The following RAB3GAP2 variants were observed in gnomAD, a reference collection of about 807,000 sequenced individuals.
The protein encoded by RAB3GAP2 is RAB3 GTPase activating non-catalytic protein subunit 2.
In RAB3GAP2, 87 loss-of-function variants were observed where a neutral mutation model predicts 185.3. The observed-to-expected ratio is 0.47, with a 90% CI of 0.39 to 0.56. RAB3GAP2 has a LOEUF of 0.56. Among genes scored for constraint, RAB3GAP2 ranks in the 20% least tolerant of loss-of-function variants. RAB3GAP2 has a pLI of 0.00. For missense variants in RAB3GAP2, 1,492 were observed against 1,638.2 expected (o/e 0.91, Z 1.54); for synonymous variants, 554 against 576.1 (o/e 0.96, Z 0.55).
intron 9 of RAB3GAP2, 141 bp from the exon 10 acceptor site, chr1:220,196,539 A>C: frequency 1.1e-6 from 1 of 897,260 alleles, no homozygotes; most frequent in East Asian, 2.6e-5. Context: ...AGTCAACATC[A>C]GAAAATATTC....
intron 1 of RAB3GAP2, among the ~76,000 whole-genome samples, chr1:220,257,910 C>T (rs901133827): frequency 2.0e-5 from 3 of 151,896 alleles, no homozygotes; most frequent in Non-Finnish European, 4.4e-5. Flanking sequence ...ACCACTGACC[C>T]CACAGAAATA....
At chr1:220,233,511 A>G (rs201398736) in intron 1 of RAB3GAP2, among the ~76,000 whole-genome samples, 2 of 152,176 alleles carry the variant, frequency 1.3e-5, no homozygotes, top group Non-Finnish European at 2.9e-5. Flanking sequence ...TGGTTTTTAC[A>G]TAGTCATCTT....
intron 1 of RAB3GAP2, among the ~76,000 whole-genome samples, chr1:220,246,196 C>G (rs1485223691): frequency 6.6e-6 from 1 of 152,202 alleles, no homozygotes; most frequent in African/African-American, 2.4e-5. Context: ...CACTGGCCGT[C>G]AGAGAAATGC....
In RAB3GAP2 at chr1:220,190,371, C is replaced by T. The variant is rs780059285; in HGVS notation, c.1631+6G>A. 20 of 1,613,958 alleles carry T rather than the reference C, an allele frequency of 1.2e-5. No homozygotes were observed. The highest frequency in any genetic ancestry group is 1.7e-5 in the Admixed American group (1 of 59,986). ...GCGTCAATCAGCAACACTGGACACA[C>T]CTTACCTCAGTGCTAAATGGAAGGG... is the stretch of plus-strand genomic sequence containing the variant. On this transcript the variant is annotated splice_donor_region_variant and intron_variant, in intron 15 of 34. Transcript: ENST00000358951.
At chr1:220,255,432 G>A (rs1300786027) in intron 1 of RAB3GAP2, among the ~76,000 whole-genome samples, 2 of 152,156 alleles carry the variant, frequency 1.3e-5, no homozygotes, top group Non-Finnish European at 2.9e-5. Context: ...AGGTGGAGAT[G>A]GCTGAATTGA....
intron 2 of RAB3GAP2, among the ~76,000 whole-genome samples, chr1:220,218,927 C>T (rs1486098341): frequency 3.9e-5 from 6 of 152,078 alleles, no homozygotes; most frequent in Non-Finnish European, 8.8e-5. Context: ...CAGTATTCAA[C>T]ATATCAGATT....
At chr1:220,160,905 T>C (rs367824016) in intron 28 of RAB3GAP2, among the ~76,000 whole-genome samples, 4 of 152,202 alleles carry the variant, frequency 2.6e-5, no homozygotes, top group Non-Finnish European at 2.9e-5. Context: ...GAACCTAGCA[T>C]AGTCTTGGCA....
intron 31 of RAB3GAP2, among the ~76,000 whole-genome samples, chr1:220,155,595 C>T (rs1005830378): frequency 6.6e-6 from 1 of 152,158 alleles, no homozygotes; most frequent in African/African-American, 2.4e-5. Context: ...GGAACCCTTA[C>T]AACAACCATG....
chr1:220,229,539 G>A (rs1659460246), intron 2 of RAB3GAP2, among the ~76,000 whole-genome samples: 1 of 152,166 alleles, frequency 6.6e-6, no homozygotes, highest in Non-Finnish European at 1.5e-5. Flanking sequence ...CAAGTCTGTG[G>A]CACATTATGA....
rs147920625 is a variant in RAB3GAP2, at chr1:220,193,356, C to T, written c.1154G>A (p.Arg385His). 8.7e-6 allele frequency: 14 copies of T among 1,613,728 alleles called. No individual in the cohort carries two copies. The highest frequency in any genetic ancestry group is 2.2e-5 in the East Asian group (1 of 44,832). Residue 385 changes from arginine (R) to histidine (H), a missense_variant, in exon 13 of 35, where the codon CGC becomes CAC. By Grantham distance (29) the Arg-to-His change is conservative. This residue lies in a region of RAB3GAP2 where 243 missense variants were observed against 314.8 expected (regional missense o/e 0.77). Transcript: ENST00000358951. Reference sequence around the variant, plus strand: ...AGACAGACATATGCTTTCACCATGGCGTCTAGAATCTGGAAGTCCAAATCT... The same window carrying T: ...AGACAGACATATGCTTTCACCATGGTGTCTAGAATCTGGAAGTCCAAATCT... ...AVRFGLPDSR[R>H]HGESICLSPC...
intron 8 of RAB3GAP2, among the ~76,000 whole-genome samples, chr1:220,203,492 C>T (rs1210348967): frequency 6.6e-6 from 1 of 152,130 alleles, no homozygotes; most frequent in Non-Finnish European, 1.5e-5. Flanking sequence ...CTTTTTATAG[C>T]AACTTACAAC....
Position 220,164,721 on chromosome 1 carries a change from C to T in RAB3GAP2, c.3154+12G>A. On this transcript the variant is annotated intron_variant, in intron 27 of 34. Coordinates refer to ENST00000358951, the MANE Select transcript of RAB3GAP2 (RefSeq NM_012414.4). Reference sequence around the variant, plus strand: ...GATCAAACAGTGATGTTTCTAACATCTGTTTACTTACCATTTTGAACATGT... The same window carrying T: ...GATCAAACAGTGATGTTTCTAACATTTGTTTACTTACCATTTTGAACATGT... 1.9e-6 allele frequency: 3 copies of T among 1,599,418 alleles called. No homozygotes were observed. The South Asian group carries it at 3.4e-5, about 18-fold the overall frequency.
At chr1:220,232,720 T>C (rs2102891653) in intron 2 of RAB3GAP2, 79 bp downstream of exon 2, 1 of 1,284,984 alleles carries the variant, frequency 7.8e-7, no homozygotes, top group East Asian at 2.3e-5. Flanking sequence ...AATGTCAGCT[T>C]GACAGGGAAA....
At chr1:220,181,074 T>C (rs2102864552) in intron 21 of RAB3GAP2, among the ~76,000 whole-genome samples, 1 of 152,324 alleles carries the variant, frequency 6.6e-6, no homozygotes, top group East Asian at 1.9e-4. Context: ...AACCTAGATA[T>C]GATTTAAGGT....
intron 21 of RAB3GAP2, among the ~76,000 whole-genome samples, chr1:220,180,268 C>A (rs1571885621): frequency 6.6e-6 from 1 of 151,576 alleles, no homozygotes; most frequent in South Asian, 2.1e-4. Flanking sequence ...CAAGAACCAA[C>A]CTAAAAATTA....
At chr1:220,200,825 C>T (rs1658839960) in intron 9 of RAB3GAP2, 2 of 346,916 alleles carry the variant, frequency 5.8e-6, no homozygotes, top group Admixed American at 8.0e-5. Flanking sequence ...TAGAGTCACT[C>T]TCCTTCCTCT....
intron 24 of RAB3GAP2, among the ~76,000 whole-genome samples, chr1:220,169,266 T>C (rs997570583): frequency 1.3e-5 from 2 of 152,176 alleles, no homozygotes; most frequent in African/African-American, 2.4e-5. Flanking sequence ...ATCAAATGCC[T>C]AAAAGAGCTG....
chr1:220,244,441 G>T (rs957616680), intron 1 of RAB3GAP2, among the ~76,000 whole-genome samples: 1 of 152,164 alleles, frequency 6.6e-6, no homozygotes, highest in Non-Finnish European at 1.5e-5. Context: ...CCATGCTCAT[G>T]GACGGGAAGA....
chr1:220,206,460 T>A (rs1658968481), intron 7 of RAB3GAP2, among the ~76,000 whole-genome samples: 1 of 152,202 alleles, frequency 6.6e-6, no homozygotes, highest in African/African-American at 2.4e-5. Flanking sequence ...TATTTTTCCA[T>A]TTCAATAAGT....
Sources: allele counts gnomAD v4.1 joint callset (sites outside exome capture counted in the v4.1 genomes callset), GRCh38; gene constraint gnomAD v4.1.1; regional missense constraint gnomAD v4.1.1; transcripts MANE v1.5; gene names NCBI Gene and HGNC (gene_info 2026-07-23, HGNC 2026-07-21).